RSBN1L: variants seen among roughly 807,000 people sequenced by gnomAD.
RSBN1L encodes lysine-specific demethylase RSBN1L.
RSBN1L carries 30 observed loss-of-function variants against 67.7 expected under a neutral mutation model. The observed-to-expected ratio is 0.44, with a 90% CI of 0.33 to 0.60. The LOEUF is 0.60. RSBN1L is among the 20% of genes least tolerant of loss of function. The pLI, the probability that RSBN1L is intolerant of heterozygous loss-of-function variation, is 0.02. For missense variants in RSBN1L, 992 were observed against 1,031.7 expected, an observed-to-expected ratio of 0.96 and a Z score of 0.53; for synonymous variants, 433 against 387.0, an observed-to-expected ratio of 1.12 and a Z score of -1.39.
intron 2 of RSBN1L, among the ~76,000 whole-genome samples, chr7:77,739,534 G>A (rs1791380154): frequency 6.6e-6 from 1 of 151,358 alleles, no homozygotes; most frequent in Non-Finnish European, 1.5e-5. Flanking sequence ...CCAACCTGGT[G>A]AAACCCCATC....
Position 77,749,901 on chromosome 7 carries a change from ACT to A in RSBN1L, c.1184_1185del (p.Ser395CysfsTer18). The A allele has an allele frequency of 1.2e-6, 2 of 1,613,866 alleles. No homozygotes were observed. Among genetic ancestry groups the A allele is most frequent in the Non-Finnish European group, 1.7e-6 (2 of 1,179,960 alleles). ...GGTCTAGTGTTCAGTGAAAATGAAA[ACT>A]CTGCAGCTTTCTACGTGATGGGTAT... is the stretch of plus-strand genomic sequence containing the variant. On this transcript the variant is annotated frameshift_variant, in exon 3 of 8. Transcript: ENST00000334955. LOFTEE classifies it high-confidence loss of function.
chr7:77,761,158 G>A (rs770008994), intron 3 of RSBN1L, among the ~76,000 whole-genome samples: 81 of 152,272 alleles, frequency 5.3e-4, no homozygotes, highest in Non-Finnish European at 9.7e-4. Flanking sequence ...CTGAACATAT[G>A]CAACATAATG....
chr7:77,699,121 T>C (rs563133009), intron 1 of RSBN1L, among the ~76,000 whole-genome samples: 1 of 152,316 alleles, frequency 6.6e-6, no homozygotes, highest in Non-Finnish European at 1.5e-5. Context: ...GTAAAAATCT[T>C]AGTGAATGGG....
intron 1 of RSBN1L, among the ~76,000 whole-genome samples, chr7:77,715,540 C>G (rs1791037130): frequency 6.6e-6 from 1 of 152,046 alleles, no homozygotes; most frequent in Non-Finnish European, 1.5e-5. Context: ...AACTCCTGGC[C>G]TCAAGTGATT....
At chr7:77,741,417 TGTG>T (rs1404812932) in intron 2 of RSBN1L, among the ~76,000 whole-genome samples, 2 of 151,808 alleles carry the variant, frequency 1.3e-5, no homozygotes, top group African/African-American at 2.4e-5. Flanking sequence ...TTAGGCCAGA[TGTG>T]GTGGCTCACG....
In RSBN1L at chr7:77,778,743, C is replaced by T; in HGVS notation, c.2116C>T (p.His706Tyr). 2.5e-6 allele frequency: 4 copies of T among 1,614,150 alleles called. No individual in the cohort carries two copies. Among genetic ancestry groups the T allele is most frequent in the Non-Finnish European group, 3.4e-6 (4 of 1,179,996 alleles). ...EEDTSQNTAT[H>Y]ETGTSSDSTS... ...GGACACTTCTCAGAATACAGCTACTCATGAAACAGGCACATCATCAGATTC... is the reference window on the plus strand; with the variant it reads ...GGACACTTCTCAGAATACAGCTACTTATGAAACAGGCACATCATCAGATTC... Residue 706 changes from histidine to tyrosine, a missense_variant, in exon 8 of 8, where the codon CAT becomes TAT. Around this residue, in one of 7 missense-constraint regions of RSBN1L, gnomAD observed 199 missense variants for 167.7 expected, o/e 1.19. Transcript: ENST00000334955.
chr7:77,698,316 G>A (rs899998723), intron 1 of RSBN1L, among the ~76,000 whole-genome samples: 18 of 152,152 alleles, frequency 1.2e-4, no homozygotes, highest in African/African-American at 4.3e-4. Flanking sequence ...ATGGGATTTT[G>A]GTACTTTTAG....
At chr7:77,736,698 C>T (rs1791341579) in intron 2 of RSBN1L, among the ~76,000 whole-genome samples, 172 bp downstream of exon 2, 1 of 152,216 alleles carries the variant, frequency 6.6e-6, no homozygotes, top group African/African-American at 2.4e-5. Flanking sequence ...TGTATGGTAA[C>T]ATGTCTTATA....
At chr7:77,726,581 C>T (rs769164335) in intron 1 of RSBN1L, among the ~76,000 whole-genome samples, 13 of 152,032 alleles carry the variant, frequency 8.6e-5, no homozygotes, top group Admixed American at 2.0e-4. Context: ...CTACTGATTT[C>T]GTGTTCCTCA....
chr7:77,708,110 C>G (rs779976876), intron 1 of RSBN1L, among the ~76,000 whole-genome samples: 3 of 152,096 alleles, frequency 2.0e-5, no homozygotes, highest in African/African-American at 7.2e-5. Context: ...CATCCAGAAT[C>G]GTACTTTGCG....
In RSBN1L at chr7:77,779,133, A is replaced by C. The variant is rs1791959946; in HGVS notation, c.2506A>C (p.Asn836His). The change falls in exon 8 of 8, where the codon AAT (asparagine) becomes CAT (histidine). Residue 836 changes from asparagine to histidine, a missense_variant. By Grantham distance (68) the Asn-to-His change is moderately conservative. Around this residue, in one of 7 missense-constraint regions of RSBN1L, gnomAD observed 199 missense variants for 167.7 expected, o/e 1.19. Coordinates refer to ENST00000334955, the MANE Select transcript of RSBN1L (RefSeq NM_198467.3). ...DTRQHSSAHS[N>H]QDKKDDDILC ...AAGGCAACACAGTTCAGCACATTCA[A>C]ATCAAGATAAAAAAGACGATGACAT... 3 of 1,592,982 alleles carry C rather than the reference A, an allele frequency of 1.9e-6. No homozygotes were observed. The highest frequency in any genetic ancestry group is 2.6e-6 in the Non-Finnish European group (3 of 1,173,000).
intron 2 of RSBN1L, among the ~76,000 whole-genome samples, chr7:77,744,580 C>A (rs1213584919): frequency 6.6e-6 from 1 of 151,618 alleles, no homozygotes; most frequent in African/African-American, 2.4e-5. Context: ...CCACGCCCGG[C>A]TAATTTTTCA....
intron 1 of RSBN1L, among the ~76,000 whole-genome samples, chr7:77,709,154 G>A (rs1052951380): frequency 1.1e-4 from 6 of 52,372 alleles, no homozygotes; most frequent in Non-Finnish European, 2.3e-4. Flanking sequence ...GATTCTGTTT[G>A]TGTGTGTGTG....
chr7:77,749,323 A>G (rs1049904368), intron 2 of RSBN1L, 101 bp from the exon 3 acceptor site: 11 of 877,608 alleles, frequency 1.3e-5, no homozygotes, highest in Admixed American at 3.4e-5. Context: ...ATTCTGAGTA[A>G]ATTTTCAGAA....
At chr7:77,728,618 A>G (rs1187561065) in intron 1 of RSBN1L, among the ~76,000 whole-genome samples, 1 of 152,216 alleles carries the variant, frequency 6.6e-6, no homozygotes, top group African/African-American at 2.4e-5. Flanking sequence ...GGCTGTCTCT[A>G]GCTGCCTTCA....
intron 1 of RSBN1L, among the ~76,000 whole-genome samples, chr7:77,716,797 A>AT (rs1791055408): frequency 6.6e-6 from 1 of 150,600 alleles, no homozygotes; most frequent in Non-Finnish European, 1.5e-5. Context: ...ACGCCAGGCT[A>AT]TTTTTTGTAT....
In RSBN1L at chr7:77,765,672, A is replaced by T. The variant is rs200931599; in HGVS notation, c.1482+40A>T. The T allele has an allele frequency of 7.4e-4, 993 of 1,333,934 alleles. 2 individuals are homozygous for T. The highest frequency in any genetic ancestry group is 4.3e-3 in the Middle Eastern group (22 of 5,166). The allele number at this position is 1,333,934 out of a possible 1,614,324, so 82.6% of individuals were successfully genotyped here. On this transcript the variant is annotated intron_variant, in intron 4 of 7. Coordinates refer to ENST00000334955, the MANE Select transcript of RSBN1L (RefSeq NM_198467.3). ...GTCATGGGATTAGAGTTTTTTTTTT[A>T]AAAAAGGGAAGAAAAACCAATATGA...
At chr7:77,721,031 C>T (rs532041910) in intron 1 of RSBN1L, among the ~76,000 whole-genome samples, 6 of 151,962 alleles carry the variant, frequency 3.9e-5, no homozygotes, top group Non-Finnish European at 8.8e-5. Flanking sequence ...GGTGAGCCAC[C>T]GTGCCCAGCC....
intron 1 of RSBN1L, 30 bp downstream of exon 1, chr7:77,697,085 G>T: frequency 7.4e-7 from 1 of 1,355,292 alleles, no homozygotes; most frequent in East Asian, 3.0e-5. Context: ...GGGGAGGGGA[G>T]GGCGCCGTGG....
Sources: gnomAD v4.1 joint callset for allele counts (sites outside exome capture counted in the v4.1 genomes callset) on GRCh38, gnomAD v4.1.1 for gene constraint, gnomAD v4.1.1 regional missense constraint, MANE v1.5 for transcripts, NCBI Gene and HGNC (gene_info 2026-07-23, HGNC 2026-07-21) for gene names.